RIN3: variants seen among roughly 807,000 people sequenced by gnomAD.
The protein encoded by RIN3 is RAB5 interacting protein 3.
A neutral mutation model predicts 76.3 loss-of-function variants in RIN3; 54 were observed. The observed-to-expected ratio is 0.71, with a 90% CI of 0.57 to 0.89. The LOEUF is 0.89. RIN3 is among the 40% of genes least tolerant of loss of function. The probability of loss-of-function intolerance (pLI) is 0.00; values close to 1 mark genes in which losing one functional copy is unlikely to be tolerated. For synonymous variants in RIN3, 576 were observed against 564.0 expected, an observed-to-expected ratio of 1.02 and a Z score of -0.30; for missense variants, 1,256 against 1,322.1, an observed-to-expected ratio of 0.95 and a Z score of 0.78.
chr14:92,592,390 G>A (rs1441962151), intron 3 of RIN3, among the ~76,000 whole-genome samples: 3 of 138,892 alleles, frequency 2.2e-5, no homozygotes, highest in Non-Finnish European at 4.6e-5. Context: ...GACAGAGTGA[G>A]ACTCTGTCTC....
At chr14:92,684,385 C>CAAAAAA (rs35113092) in intron 8 of RIN3, among the ~76,000 whole-genome samples, 3 of 115,852 alleles carry the variant, frequency 2.6e-5, no homozygotes, top group African/African-American at 6.5e-5. Context: ...CAGACTTAGA[C>CAAAAAA]AAAAAAAAAA....
intron 5 of RIN3, among the ~76,000 whole-genome samples, chr14:92,647,563 A>T (rs1301868359): frequency 1.3e-5 from 2 of 152,086 alleles, no homozygotes; most frequent in Non-Finnish European, 2.9e-5. Context: ...GATGATGAGC[A>T]TTTTCCTAGT....
At chr14:92,629,702 T>C (rs993755084) in intron 4 of RIN3, among the ~76,000 whole-genome samples, 2 of 152,246 alleles carry the variant, frequency 1.3e-5, no homozygotes, top group African/African-American at 4.8e-5. Flanking sequence ...AGGGCTTTTA[T>C]AGCCATTCTC....
In RIN3 at chr14:92,615,464, T is replaced by C; in HGVS notation, c.425T>C (p.Phe142Ser). 6.2e-7 allele frequency: 1 copy of C among 1,613,864 alleles called. No individual in the cohort carries two copies. ...VFEDIFRLIA[F>S]YCVSRDLLPF... ...GAGGACATCTTCAGATTGATTGCGTTCTACTGTGTCAGTAGGTGAGTAGAC... is the reference window on the plus strand; with the variant it reads ...GAGGACATCTTCAGATTGATTGCGTCCTACTGTGTCAGTAGGTGAGTAGAC... The change falls in exon 4 of 10, where the codon TTC becomes TCC. Residue 142 changes from phenylalanine (F) to serine (S), a missense_variant. Phe to Ser is a radical substitution (Grantham distance 155). Transcript: ENST00000216487.
chr14:92,595,396 G>A (rs1415445872), intron 3 of RIN3, among the ~76,000 whole-genome samples: 1 of 152,218 alleles, frequency 6.6e-6, no homozygotes, highest in Admixed American at 6.5e-5. Context: ...CTGTGTGGAC[G>A]CTCAGCTTGC....
At chr14:92,645,587 T>C (rs1461125732) in intron 5 of RIN3, among the ~76,000 whole-genome samples, 1 of 152,250 alleles carries the variant, frequency 6.6e-6, no homozygotes, top group East Asian at 1.9e-4. Flanking sequence ...AGATTGGCGA[T>C]TGCCAGGGGC....
In RIN3 at chr14:92,641,180, A is replaced by G. The variant is rs1027051064; in HGVS notation, c.441-58A>G. 4.5e-6 allele frequency: 6 copies of G among 1,319,082 alleles called. No homozygotes were observed. The African/African-American group carries it at 7.2e-5, about 16-fold the overall frequency. The allele number at this position is 1,319,082 out of a possible 1,614,324, so 81.7% of individuals were successfully genotyped here. On this transcript the variant is annotated intron_variant, in intron 4 of 9. Coordinates refer to ENST00000216487, the MANE Select transcript of RIN3 (RefSeq NM_024832.5). ...GATTGCCAGGGCTCTTCCTTTGTGG[A>G]GGCTGGGAATGGACACGGTGGACCC...
chr14:92,597,532 G>C (rs58313999), intron 3 of RIN3, among the ~76,000 whole-genome samples: 21,838 of 152,144 alleles, frequency 0.14, 1,984 homozygotes, highest in East Asian at 0.42. Flanking sequence ...TCACTTACTA[G>C]CTGGTTGAAC....
At chr14:92,578,665 G>T (rs905151668) in intron 3 of RIN3, among the ~76,000 whole-genome samples, 1 of 152,162 alleles carries the variant, frequency 6.6e-6, no homozygotes, top group African/African-American at 2.4e-5. Context: ...ATGCTGATTG[G>T]TTGGGTCAGG....
chr14:92,599,097 A>AG (rs1837886612), intron 3 of RIN3, among the ~76,000 whole-genome samples: 1 of 152,172 alleles, frequency 6.6e-6, no homozygotes, highest in South Asian at 2.1e-4. Flanking sequence ...CGAGAACAGG[A>AG]GCATCAGCTG....
intron 7 of RIN3, among the ~76,000 whole-genome samples, chr14:92,670,077 T>TA (rs887570554): frequency 5.3e-5 from 8 of 151,522 alleles, no homozygotes; most frequent in Non-Finnish European, 1.2e-4. Flanking sequence ...TTTTTTTTTT[T>TA]AAGTAGAGAC....
intron 4 of RIN3, among the ~76,000 whole-genome samples, chr14:92,634,015 A>G (rs117488616): frequency 6.6e-6 from 1 of 151,872 alleles, no homozygotes; most frequent in Non-Finnish European, 1.5e-5. Context: ...GAAGTTCACA[A>G]GCTGACCCTC....
chr14:92,521,509 A>G (rs1200777242), intron 1 of RIN3, among the ~76,000 whole-genome samples: 1 of 152,110 alleles, frequency 6.6e-6, no homozygotes, highest in East Asian at 1.9e-4. Context: ...GTAATGAGTG[A>G]GTTCTCAGTT....
intron 2 of RIN3, among the ~76,000 whole-genome samples, chr14:92,556,818 A>C (rs1440154591): frequency 6.6e-6 from 1 of 152,224 alleles, no homozygotes; most frequent in Non-Finnish European, 1.5e-5. Flanking sequence ...AAAAGTAAAG[A>C]TCTTTTCCAC....
rs1319939890 is a variant in RIN3 at position 92,688,931 on chromosome 14, A to C, written c.*679A>C. ...CCTTTCCCTACAGGACACGCCCCAG[A>C]GCTGTGGCAGATTGCAGGAGCCATC... On this transcript the variant is annotated 3_prime_UTR_variant, in exon 10 of 10. Coordinates refer to ENST00000216487, the MANE Select transcript of RIN3 (RefSeq NM_024832.5). 1 of 152,382 alleles carries C rather than the reference A, an allele frequency of 6.6e-6. No individual in the cohort carries two copies. The highest frequency in any genetic ancestry group is 1.5e-5 in the Non-Finnish European group (1 of 68,178). 9.4% of individuals were successfully genotyped at this position (152,382 alleles called of 1,614,324 possible).
chr14:92,652,248 A>C lies in RIN3; in HGVS notation c.1199A>C (p.Gln400Pro). 1 of 1,611,000 alleles carries C rather than the reference A, an allele frequency of 6.2e-7. No homozygotes were observed. Among genetic ancestry groups the C allele is most frequent in the African/African-American group, 1.3e-5 (1 of 74,944 alleles). ...RVSERVSLED[Q>P]SPGMAAEGDQ... ...TCCGAGAGGGTGTCCTTAGAAGACC[A>C]AAGTCCGGGGATGGCGGCAGAGGGG... The change falls in exon 6 of 10, where the codon CAA becomes CCA. Residue 400 changes from glutamine (Q) to proline (P), a missense_variant. Transcript: ENST00000216487. This position sits in a 1 kb window ranked among gnomAD's most constrained non-coding sequence, Gnocchi z 6.4.
At chr14:92,540,968 G>A (rs76648580) in intron 1 of RIN3, among the ~76,000 whole-genome samples, 1 of 152,158 alleles carries the variant, frequency 6.6e-6, no homozygotes, top group East Asian at 1.9e-4. Flanking sequence ...TCTTTCAGTC[G>A]AGCCTTCAAC....
At chr14:92,586,958 G>C (rs529536722) in intron 3 of RIN3, among the ~76,000 whole-genome samples, 3 of 152,300 alleles carry the variant, frequency 2.0e-5, no homozygotes, top group Non-Finnish European at 4.4e-5. Context: ...TCCACAGCCT[G>C]CATCAGGGCT....
At chr14:92,547,009 T>TTTA (rs35034731) in intron 1 of RIN3, among the ~76,000 whole-genome samples, 74,432 of 109,962 alleles carry the variant, frequency 0.68, 27,346 homozygotes, top group Middle Eastern at 0.77. Flanking sequence ...ATTATTTTAT[T>TTTA]TTATTATTAA....
Sources: gnomAD v4.1 joint callset for allele counts (sites outside exome capture counted in the v4.1 genomes callset) on GRCh38, gnomAD v4.1.1 for gene constraint, Gnocchi (gnomAD v3.1) non-coding constraint, MANE v1.5 for transcripts, NCBI Gene and HGNC (gene_info 2026-07-23, HGNC 2026-07-21) for gene names.